ANK2: variants seen among roughly 807,000 people sequenced by gnomAD.
The protein encoded by ANK2 is ankyrin 2.
Under a neutral mutation model 360.5 loss-of-function variants are expected in ANK2, and 83 were observed. That is an observed-to-expected ratio of 0.23 (90% CI 0.19 to 0.28). ANK2 has a LOEUF of 0.28. ANK2 is among the 10% of genes least tolerant of loss of function. The pLI is 1.00. For synonymous variants in ANK2, 1,740 were observed against 1,759.5 expected, an observed-to-expected ratio of 0.99 and a Z score of 0.28; for missense variants, 4,201 against 4,795.7, an observed-to-expected ratio of 0.88 and a Z score of 3.66.
At chr4:112,869,751 C>G (rs1218994072) in intron 1 of ANK2, among the ~76,000 whole-genome samples, 1 of 152,148 alleles carries the variant, frequency 6.6e-6, no homozygotes, top group African/African-American at 2.4e-5. Context: ...GGTGTGATCT[C>G]TGCTCACTGC....
intron 1 of ANK2, among the ~76,000 whole-genome samples, chr4:113,071,208 C>T (rs2077425843): frequency 6.6e-6 from 1 of 152,162 alleles, no homozygotes; most frequent in East Asian, 1.9e-4. Context: ...TAGTTGCTGA[C>T]AGAAGTTTAG....
chr4:112,769,420 T>C, the ANK2 span, among the ~76,000 whole-genome samples: 1 of 152,206 alleles, frequency 6.6e-6, no homozygotes, highest in Non-Finnish European at 1.5e-5. Context: ...ACCCATTTAA[T>C]TGAGGCCATT....
chr4:112,962,157 A>ATAG (rs2035148522), intron 2 of ANK2, among the ~76,000 whole-genome samples: 1 of 152,038 alleles, frequency 6.6e-6, no homozygotes, highest in South Asian at 2.1e-4. Flanking sequence ...AGCTGTGAGG[A>ATAG]TAGTACTCAA....
chr4:113,040,646 G>T (rs539081681), intron 2 of ANK2, among the ~76,000 whole-genome samples: 21 of 152,034 alleles, frequency 1.4e-4, no homozygotes, highest in African/African-American at 5.1e-4. Context: ...ATTTCTCTCT[G>T]GTCTTTTACA....
At position 113,353,455 on chromosome 4, in the gene ANK2, G is replaced by A; in HGVS notation, c.4837G>A (p.Glu1613Lys). 4 of 1,614,054 alleles carry A rather than the reference G, an allele frequency of 2.5e-6. No homozygotes were observed. The highest frequency in any genetic ancestry group is 1.3e-5 in the African/African-American group (1 of 75,032). Residue 1613 changes from glutamate (E) to lysine (K), a missense_variant, in exon 38 of 46, where the codon GAA (glutamate) becomes AAA (lysine). Transcript: ENST00000357077. ...ARQKAPLEITEYPCVEVRIDK... is the reference protein window; with the variant it reads ...ARQKAPLEITKYPCVEVRIDK... ...GCAAAAAGCACCTTTAGAAATCACT[G>A]AATATCCATGTGTAGAAGTTAGAAT... is the stretch of plus-strand genomic sequence containing the variant.
intron 2 of ANK2, among the ~76,000 whole-genome samples, chr4:112,948,485 T>C (rs2094710307): frequency 6.6e-6 from 1 of 152,058 alleles, no homozygotes; most frequent in South Asian, 2.1e-4. Flanking sequence ...GACAGATCAA[T>C]GAGCCAGAAC....
chr4:113,168,993 C>G (rs2097851224), intron 1 of ANK2, among the ~76,000 whole-genome samples: 2 of 152,146 alleles, frequency 1.3e-5, no homozygotes, highest in African/African-American at 4.8e-5. Context: ...TTTAAGTACT[C>G]TGGTGTAGCT....
chr4:113,366,611 G>A (rs2096548543), intron 41 of ANK2, among the ~76,000 whole-genome samples: 1 of 151,612 alleles, frequency 6.6e-6, no homozygotes, highest in Non-Finnish European at 1.5e-5. Flanking sequence ...CAGGGCCCTG[G>A]TATTTTCTGC....
At chr4:113,301,708 A>T (rs541577808) in intron 22 of ANK2, among the ~76,000 whole-genome samples, 35 of 152,184 alleles carry the variant, frequency 2.3e-4, no homozygotes, top group African/African-American at 8.4e-4. Context: ...TTTAGATTCC[A>T]CATATAAGTG....
In ANK2 at chr4:113,333,106, G is replaced by C. The variant is rs866316591; in HGVS notation, c.3277G>C (p.Glu1093Gln). Residue 1093 changes from glutamate to glutamine, a missense_variant, in exon 29 of 46, where the codon GAA (glutamate) becomes CAA (glutamine). By Grantham distance (29) the Glu-to-Gln change is conservative. This residue lies in a region of ANK2 where 1,268 missense variants were observed against 1,650.8 expected (regional missense o/e 0.77). Transcript: ENST00000357077. ...TGCGGCCCTTCGAGGAAAGGAAAGG[G>C]AACTGGTGGTCCTGCGCAGTGAGAA... ...HFAALRGKER[E>Q]LVVLRSENGD... 1 of 1,614,112 alleles carries C rather than the reference G, an allele frequency of 6.2e-7. No homozygotes were observed. The highest frequency in any genetic ancestry group is 1.3e-5 in the African/African-American group (1 of 74,938).
At chr4:112,987,159 C>A (rs1444191746) in intron 2 of ANK2, among the ~76,000 whole-genome samples, 2 of 152,172 alleles carry the variant, frequency 1.3e-5, no homozygotes, top group African/African-American at 2.4e-5. Flanking sequence ...CAAAATATTG[C>A]ATGGGTCTAT....
rs59844602 is a variant in ANK2, at chr4:113,301,378, T to TACAC, written c.2476-1357_2476-1354dup. On this transcript the variant is annotated intron_variant, in intron 22 of 45. Transcript: ENST00000357077. ...TATGGTATACAACATGATGTTTTGA[T>TACAC]ACACACACACACACACACACACACA... is the stretch of plus-strand genomic sequence containing the variant. 3.4e-3 allele frequency among the ~76,000 whole-genome samples: 508 copies of TACAC among 149,610 alleles called. 3 individuals are homozygous for TACAC. Among genetic ancestry groups the TACAC allele is most frequent in the South Asian group, 0.018 (86 of 4,712 alleles).
At chr4:113,248,005 A>C (rs2043977576) in intron 9 of ANK2, among the ~76,000 whole-genome samples, 3 of 152,218 alleles carry the variant, frequency 2.0e-5, no homozygotes, top group Admixed American at 2.0e-4. Flanking sequence ...CTATCTGGCA[A>C]ATTTTAAAAT....
intron 2 of ANK2, among the ~76,000 whole-genome samples, chr4:112,998,788 T>A (rs1263553619): frequency 6.6e-6 from 1 of 152,202 alleles, no homozygotes; most frequent in Non-Finnish European, 1.5e-5. Flanking sequence ...GTACACAGCA[T>A]TGCCTAAACA....
chr4:112,949,897 A>G (rs374463620), intron 2 of ANK2, among the ~76,000 whole-genome samples: 2 of 152,348 alleles, frequency 1.3e-5, no homozygotes, highest in East Asian at 1.9e-4. Flanking sequence ...ACTATTCTCA[A>G]TATATAATGA....
the ANK2 span, among the ~76,000 whole-genome samples, chr4:112,782,623 T>A: frequency 1.8e-4 from 28 of 151,998 alleles, no homozygotes; most frequent in African/African-American, 6.8e-4. Context: ...TTGCAGCACT[T>A]TGGGAGGCCG....
At chr4:113,329,126 A>G (rs970286496) in intron 26 of ANK2, among the ~76,000 whole-genome samples, 31 of 152,248 alleles carry the variant, frequency 2.0e-4, no homozygotes, top group African/African-American at 7.5e-4. Context: ...GAGAGTACAC[A>G]CAGTTTGTAT....
chr4:112,834,750 A>C (rs564658323), intron 1 of ANK2, among the ~76,000 whole-genome samples: 2 of 152,324 alleles, frequency 1.3e-5, no homozygotes, highest in Non-Finnish European at 2.9e-5. Flanking sequence ...GGATTGTTTA[A>C]GAGTCAAATT....
the ANK2 span, among the ~76,000 whole-genome samples, chr4:112,749,467 T>G: frequency 1.5e-4 from 23 of 152,144 alleles, no homozygotes; most frequent in African/African-American, 5.5e-4. Context: ...TTTGGAATTT[T>G]GGGAGGAAAG....
Sources: allele counts gnomAD v4.1 joint callset (sites outside exome capture counted in the v4.1 genomes callset), GRCh38; gene constraint gnomAD v4.1.1; regional missense constraint gnomAD v4.1.1; transcripts MANE v1.5; gene names NCBI Gene and HGNC (gene_info 2026-07-23, HGNC 2026-07-21).